Variants in PEX7 observed in about 807,000 individuals in gnomAD.
PEX7 encodes the protein PTS2 receptor.
In PEX7, 34 loss-of-function variants were observed where a neutral mutation model predicts 47.5. That is an observed-to-expected ratio of 0.72 (90% CI 0.54 to 0.95). The LOEUF (loss-of-function observed/expected upper bound fraction) is 0.95. Among genes scored for constraint, PEX7 ranks in the 40% least tolerant of loss-of-function variants. The probability of loss-of-function intolerance (pLI) is 0.00; values close to 1 mark genes in which losing one functional copy is unlikely to be tolerated. For synonymous variants in PEX7, 141 were observed against 148.8 expected, an observed-to-expected ratio of 0.95 and a Z score of 0.38; for missense variants, 394 against 400.3, an observed-to-expected ratio of 0.98 and a Z score of 0.13.
chr6:136,872,397 A>G, intron 8 of PEX7, 144 bp downstream of exon 8: 2 of 686,954 alleles, frequency 2.9e-6, no homozygotes, highest in East Asian at 2.8e-5. Flanking sequence ...TAGGATTAAT[A>G]TTATATTTTT....
chr6:136,913,914 T>C lies in PEX7; in HGVS notation c.*388T>C. Reference sequence around the variant, plus strand: ...TCACTGCTGTGATAAATAAACTATCTATTGATCATTTATCATTTTATAACT... The same window carrying C: ...TCACTGCTGTGATAAATAAACTATCCATTGATCATTTATCATTTTATAACT... On this transcript the variant is annotated 3_prime_UTR_variant, in exon 10 of 10. Coordinates refer to ENST00000318471, the MANE Select transcript of PEX7 (RefSeq NM_000288.4). 5.0e-6 allele frequency: 1 copy of C among 198,642 alleles called. No homozygotes were observed. Among genetic ancestry groups the C allele is most frequent in the South Asian group, 9.0e-5 (1 of 11,062 alleles). 12.3% of individuals were successfully genotyped at this position (198,642 alleles called of 1,614,324 possible).
At chr6:136,899,676 T>C (rs949326271) in intron 9 of PEX7, among the ~76,000 whole-genome samples, 1 of 152,210 alleles carries the variant, frequency 6.6e-6, no homozygotes, top group African/African-American at 2.4e-5. Flanking sequence ...TCTCAGCCTA[T>C]GAGTTTTTCA....
Position 136,822,754 on chromosome 6 carries a change from GC to G in PEX7, c.91del (p.Arg31AlafsTer19). 1 of 1,482,042 alleles carries G rather than the reference GC, an allele frequency of 6.7e-7. No homozygotes were observed. The highest frequency in any genetic ancestry group is 8.9e-7 in the Non-Finnish European group (1 of 1,123,270). 91.8% of individuals were successfully genotyped at this position (1,482,042 alleles called of 1,614,324 possible). A position where few individuals can be genotyped will look rare whatever the true frequency, so the allele number is the denominator to read the frequency against. ...GCCGAGTTCTCCCCGTACCTGCCGG[GC>G]CGCCTGGCCTGCGCCACCGCGCAGC... ...YAAEFSPYLP[G>X]RLACATAQHY... On this transcript the variant is annotated frameshift_variant, in exon 1 of 10. Coordinates refer to ENST00000318471, the MANE Select transcript of PEX7 (RefSeq NM_000288.4). LOFTEE classifies it high-confidence loss of function.
chr6:136,879,167 A>T (rs73777766), intron 8 of PEX7, among the ~76,000 whole-genome samples: 6,602 of 151,896 alleles, frequency 0.043, 519 homozygotes, highest in African/African-American at 0.15. Flanking sequence ...ATATATTTTT[A>T]CTTAGTTTCT....
intron 9 of PEX7, among the ~76,000 whole-genome samples, chr6:136,899,314 C>G (rs1274427116): frequency 6.6e-6 from 1 of 151,852 alleles, no homozygotes; most frequent in East Asian, 1.9e-4. Flanking sequence ...GCAATCTTGG[C>G]TCACTGCAAC....
chr6:136,823,495 C>A (rs1774125044), intron 1 of PEX7: 2 of 255,290 alleles, frequency 7.8e-6, no homozygotes, highest in Non-Finnish European at 1.2e-5. Flanking sequence ...GATGTTGAGG[C>A]TACAATGAGC....
At position 136,900,569 on chromosome 6, in the gene PEX7, A is replaced by G; in HGVS notation, c.903+2328A>G. ...TTGTCTTCCGAGTTAATCTGTGTGA[A>G]GGTGATGGTGGTGTGGGTCATCCTG... On this transcript the variant is annotated intron_variant, in intron 9 of 9. Coordinates refer to ENST00000318471, the MANE Select transcript of PEX7 (RefSeq NM_000288.4). This position sits in a 1 kb window ranked among gnomAD's most constrained non-coding sequence, Gnocchi z 4.2. 1 of 414,834 alleles carries G rather than the reference A, an allele frequency of 2.4e-6. No individual in the cohort carries two copies. The highest frequency in any genetic ancestry group is 1.8e-5 in the South Asian group (1 of 54,760). The allele number at this position is 414,834 out of a possible 1,614,324, so 25.7% of individuals were successfully genotyped here.
At chr6:136,840,716 A>G (rs751631246) in intron 3 of PEX7, among the ~76,000 whole-genome samples, 4 of 152,184 alleles carry the variant, frequency 2.6e-5, no homozygotes, top group African/African-American at 7.2e-5. Flanking sequence ...ATCATAGACA[A>G]ATTCTTAGCC....
chr6:136,867,804 A>G (rs905423823), intron 6 of PEX7, among the ~76,000 whole-genome samples: 2 of 151,516 alleles, frequency 1.3e-5, no homozygotes, highest in African/African-American at 4.9e-5. Flanking sequence ...ACAACAAAAA[A>G]CTTTAAAAAA....
intron 3 of PEX7, among the ~76,000 whole-genome samples, chr6:136,828,927 G>A (rs977936554): frequency 6.6e-6 from 1 of 152,168 alleles, no homozygotes; most frequent in Non-Finnish European, 1.5e-5. Flanking sequence ...TTCTTGAACC[G>A]AAGACACACT....
At chr6:136,865,740 C>A (rs149299310) in intron 5 of PEX7, among the ~76,000 whole-genome samples, 1 of 152,032 alleles carries the variant, frequency 6.6e-6, no homozygotes, top group Admixed American at 6.5e-5. Context: ...ACCGTGCCTC[C>A]GCACTCCAGC....
intron 3 of PEX7, among the ~76,000 whole-genome samples, chr6:136,841,638 C>T (rs768214718): frequency 1.3e-5 from 2 of 152,158 alleles, no homozygotes; most frequent in African/African-American, 2.4e-5. Context: ...AATGCAGTGG[C>T]GTGATCACTG....
intron 3 of PEX7, among the ~76,000 whole-genome samples, chr6:136,835,683 A>G (rs1774372898): frequency 6.6e-6 from 1 of 152,214 alleles, no homozygotes; most frequent in South Asian, 2.1e-4. Context: ...TTCAATGTGC[A>G]GCATTGTTTG....
chr6:136,846,097 C>CT lies in PEX7; in HGVS notation c.443dup (p.Cys149ValfsTer4). 1.9e-6 allele frequency: 3 copies of CT among 1,612,280 alleles called. No homozygotes were observed. The highest frequency in any genetic ancestry group is 2.5e-6 in the Non-Finnish European group (3 of 1,178,414). The stretch of plus-strand genomic sequence containing the variant: ...GTGGGATCCAACTGTTGGAAAGTCT[C>CT]TGTGCACCTTTAGAGGCCATGAAAG... On this transcript the variant is annotated frameshift_variant, in exon 5 of 10. Coordinates refer to ENST00000318471, the MANE Select transcript of PEX7 (RefSeq NM_000288.4). LOFTEE classifies it high-confidence loss of function.
intron 3 of PEX7, among the ~76,000 whole-genome samples, chr6:136,844,431 G>T (rs549825270): frequency 6.6e-6 from 1 of 152,046 alleles, no homozygotes; most frequent in South Asian, 2.1e-4. Flanking sequence ...AATATATCTT[G>T]AGTAATGATT....
At position 136,910,269 on chromosome 6, in the gene PEX7, A is replaced by T. The variant is rs144939955; in HGVS notation, c.904-3189A>T. On this transcript the variant is annotated intron_variant, in intron 9 of 9. Coordinates refer to ENST00000318471, the MANE Select transcript of PEX7 (RefSeq NM_000288.4). ...TCCATGCCCTCAAAGAGCTGAAGAC[A>T]ACTCTTTGTCTTCAGTTGGGAAAAT... Among the ~76,000 whole-genome samples, 607 of 152,318 alleles carry T rather than the reference A, an allele frequency of 4.0e-3. 4 individuals are homozygous for T. The highest frequency in any genetic ancestry group is 0.014 in the African/African-American group (585 of 41,564).
chr6:136,836,399 G>A (rs1313691730), intron 3 of PEX7, among the ~76,000 whole-genome samples: 1 of 151,984 alleles, frequency 6.6e-6, no homozygotes, highest in Non-Finnish European at 1.5e-5. Context: ...AGGGGGACCA[G>A]AATGGAAATA....
At chr6:136,889,086 A>T (rs990450109) in intron 8 of PEX7, among the ~76,000 whole-genome samples, 1 of 152,180 alleles carries the variant, frequency 6.6e-6, no homozygotes, top group Non-Finnish European at 1.5e-5. Flanking sequence ...GTTAAGATAC[A>T]TATTTATATG....
intron 3 of PEX7, among the ~76,000 whole-genome samples, chr6:136,844,695 G>A (rs1774563149): frequency 6.6e-6 from 1 of 151,854 alleles, no homozygotes; most frequent in Admixed American, 6.6e-5. Context: ...TCTACTGTAT[G>A]TTTCTCTAAG....
Sources: gnomAD v4.1 joint callset for allele counts (sites outside exome capture counted in the v4.1 genomes callset) on GRCh38, gnomAD v4.1.1 for gene constraint, Gnocchi (gnomAD v3.1) non-coding constraint, MANE v1.5 for transcripts, NCBI Gene and HGNC (gene_info 2026-07-23, HGNC 2026-07-21) for gene names.